The following ZFYVE1 variants were observed in gnomAD, a reference collection of about 807,000 sequenced individuals.
ZFYVE1 encodes zinc finger FYVE-type containing 1.
ZFYVE1 carries 30 observed loss-of-function variants against 74.4 expected under a neutral mutation model. The observed-to-expected ratio is 0.40, with a 90% CI of 0.30 to 0.55. The LOEUF (loss-of-function observed/expected upper bound fraction) is 0.55. Among genes scored for constraint, ZFYVE1 ranks in the 20% least tolerant of loss-of-function variants. The pLI is 0.42. For synonymous variants in ZFYVE1, 335 were observed against 385.1 expected (o/e 0.87, Z 1.52); for missense variants, 703 against 1,011.6 (o/e 0.69, Z 4.14).
chr14:73,001,007 T>C (rs956315091), intron 2 of ZFYVE1, among the ~76,000 whole-genome samples: 1 of 152,220 alleles, frequency 6.6e-6, no homozygotes, highest in Non-Finnish European at 1.5e-5. Flanking sequence ...TTCCTATCTA[T>C]GCCTTGATTG....
At chr14:73,023,332 A>ATATATGTTTTATATATAATATAT (rs1894376850) in intron 2 of ZFYVE1, among the ~76,000 whole-genome samples, 2 of 94,916 alleles carry the variant, frequency 2.1e-5, no homozygotes, top group African/African-American at 4.9e-5. Context: ...AATATATATT[A>ATATATGTTTTATATATAATATAT]TATATGTTTT....
In ZFYVE1 at chr14:72,972,704, ATCT is replaced by A. The variant is rs1176456157; in HGVS notation, c.2101+1373_2101+1375del. Among the ~76,000 whole-genome samples the A allele has an allele frequency of 3.0e-4, 45 of 148,846 alleles. 1 individual carries two copies. In the South Asian group the frequency reaches 5.1e-3, roughly 17 times the overall value. Reference sequence around the variant, plus strand: ...ATCCAGGGCTGGGTAGCTATTTTAAATCTTCTTTTTTTTTTTTTTTTGAGACAG... The same window carrying A: ...ATCCAGGGCTGGGTAGCTATTTTAAATCTTTTTTTTTTTTTTTTGAGACAG... On this transcript the variant is annotated intron_variant, in intron 11 of 11. Coordinates refer to ENST00000556143, the MANE Select transcript of ZFYVE1 (RefSeq NM_021260.4).
At chr14:73,016,907 ACTCAGAAAGTCTTACCAT>A (rs1372554657) in intron 2 of ZFYVE1, among the ~76,000 whole-genome samples, 2 of 152,124 alleles carry the variant, frequency 1.3e-5, no homozygotes, top group Non-Finnish European at 2.9e-5. Context: ...AATGAATACA[ACTCAGAAAGTCTTACCAT>A]CTCACTAGAG....
chr14:73,025,255 G>A (rs1309366309), intron 1 of ZFYVE1, among the ~76,000 whole-genome samples: 2 of 151,792 alleles, frequency 1.3e-5, no homozygotes, highest in African/African-American at 4.8e-5. Flanking sequence ...TTTTAGTAGA[G>A]ACGGGGTTTC....
chr14:72,983,432 A>G (rs1445231766), intron 4 of ZFYVE1, among the ~76,000 whole-genome samples: 10 of 140,452 alleles, frequency 7.1e-5, no homozygotes, highest in Admixed American at 5.6e-4. Flanking sequence ...ATTCCCACCT[A>G]TAAGTGAGAA....
At chr14:72,978,678 G>A (rs866725889) in intron 6 of ZFYVE1, among the ~76,000 whole-genome samples, 183 bp downstream of exon 6, 19 of 151,482 alleles carry the variant, frequency 1.3e-4, no homozygotes, top group African/African-American at 3.9e-4. Context: ...GTAAACAAAG[G>A]GACCCTCACC....
intron 11 of ZFYVE1, among the ~76,000 whole-genome samples, chr14:72,973,484 A>G (rs1234934395): frequency 6.6e-6 from 1 of 151,070 alleles, no homozygotes; most frequent in East Asian, 1.9e-4. Flanking sequence ...GTAAGACTCC[A>G]TCTCAAAAAA....
intron 2 of ZFYVE1, among the ~76,000 whole-genome samples, chr14:73,021,882 C>CG (rs1894326934): frequency 6.6e-6 from 1 of 152,072 alleles, no homozygotes; most frequent in African/African-American, 2.4e-5. Flanking sequence ...CTAAGGAACA[C>CG]ATATCAATGC....
At chr14:73,014,114 T>C (rs1231917547) in intron 2 of ZFYVE1, among the ~76,000 whole-genome samples, 1 of 152,032 alleles carries the variant, frequency 6.6e-6, no homozygotes. Flanking sequence ...AAAAAGAGAA[T>C]CATGCAAACT....
intron 2 of ZFYVE1, among the ~76,000 whole-genome samples, chr14:73,007,852 T>C (rs960459641): frequency 1.1e-4 from 17 of 152,320 alleles, no homozygotes; most frequent in African/African-American, 3.8e-4. Context: ...TCCTAAAGGG[T>C]ATGTATACCT....
chr14:72,994,267 G>A (rs1431658501), intron 3 of ZFYVE1, among the ~76,000 whole-genome samples: 3 of 141,938 alleles, frequency 2.1e-5, no homozygotes, highest in African/African-American at 7.9e-5. Context: ...AGGTTGCAGT[G>A]AGCCGGGATC....
chr14:72,987,847 G>A (rs888627594), intron 4 of ZFYVE1, among the ~76,000 whole-genome samples: 1 of 152,136 alleles, frequency 6.6e-6, no homozygotes, highest in African/African-American at 2.4e-5. Context: ...GAAAAAAAGG[G>A]GCCTGGGGCC....
chr14:73,013,523 G>A (rs537068879), intron 2 of ZFYVE1, among the ~76,000 whole-genome samples: 3 of 151,876 alleles, frequency 2.0e-5, no homozygotes, highest in East Asian at 1.9e-4. Context: ...CAGGTGAATC[G>A]CTTGAACCCA....
intron 4 of ZFYVE1, among the ~76,000 whole-genome samples, chr14:72,989,900 A>G (rs970789555): frequency 1.3e-5 from 2 of 152,066 alleles, no homozygotes; most frequent in African/African-American, 4.8e-5. Context: ...TACCCACCCC[A>G]ACTCTTTTAT....
intron 2 of ZFYVE1, among the ~76,000 whole-genome samples, chr14:73,013,466 G>A (rs1183960329): frequency 1.3e-5 from 2 of 152,026 alleles, no homozygotes; most frequent in Non-Finnish European, 2.9e-5. Context: ...AAATTAGCCG[G>A]GCATGGTGGC....
At chr14:73,003,158 C>T (rs1469921614) in intron 2 of ZFYVE1, among the ~76,000 whole-genome samples, 1 of 150,210 alleles carries the variant, frequency 6.7e-6, no homozygotes, top group African/African-American at 2.5e-5. Context: ...GGATTCAAGC[C>T]ATTCTCCTGC....
chr14:72,998,921 T>C (rs1893811145), intron 2 of ZFYVE1, among the ~76,000 whole-genome samples: 1 of 150,382 alleles, frequency 6.6e-6, no homozygotes, highest in Non-Finnish European at 1.5e-5. Context: ...CTGGGCAACA[T>C]GGTGAAATCC....
chr14:73,015,320 A>C, intron 2 of ZFYVE1, among the ~76,000 whole-genome samples: 1 of 69,208 alleles, frequency 1.4e-5, no homozygotes, highest in African/African-American at 5.7e-5. Context: ...GAGGGAGGGA[A>C]GGGGGAAGGA....
intron 3 of ZFYVE1, among the ~76,000 whole-genome samples, chr14:72,996,151 GA>G (rs1177798725): frequency 6.6e-6 from 1 of 152,052 alleles, no homozygotes; most frequent in Non-Finnish European, 1.5e-5. Flanking sequence ...GGGGGAGAAT[GA>G]AAAGGGGTAA....
Sources: gnomAD v4.1 joint callset for allele counts (sites outside exome capture counted in the v4.1 genomes callset) on GRCh38, gnomAD v4.1.1 for gene constraint, MANE v1.5 for transcripts, NCBI Gene and HGNC (gene_info 2026-07-23, HGNC 2026-07-21) for gene names.